TRIM10: variants seen among roughly 807,000 people sequenced by gnomAD.
TRIM10 encodes the protein tripartite motif containing 10.
TRIM10 carries 42 observed loss-of-function variants against 40.0 expected under a neutral mutation model. The observed-to-expected ratio is 1.05, with a 90% CI of 0.82 to 1.36. The LOEUF (loss-of-function observed/expected upper bound fraction) is 1.36, where lower values mean the gene tolerates loss of function less well. Among genes scored for constraint, TRIM10 ranks in the 40% most tolerant of loss-of-function variants. The probability of loss-of-function intolerance (pLI) is 0.00; values close to 1 mark genes in which losing one functional copy is unlikely to be tolerated. For synonymous variants in TRIM10, 260 were observed against 239.5 expected (o/e 1.09, Z -0.79); for missense variants, 601 against 608.3 (o/e 0.99, Z 0.13).
chr6:30,158,746 G>A (rs1772808565), intron 2 of TRIM10, 117 bp from the exon 3 acceptor site: 3 of 839,936 alleles, frequency 3.6e-6, no homozygotes, highest in Admixed American at 2.1e-5. Flanking sequence ...CTTTTCACTT[G>A]TCATCCCATT....
rs1772312611 is a variant in TRIM10 at position 30,154,330 on chromosome 6, CCT to C, written c.1083_1084del (p.Gly363GlufsTer73). 1.9e-6 allele frequency: 3 copies of C among 1,613,006 alleles called. No individual in the cohort carries two copies. Among genetic ancestry groups the C allele is most frequent in the Non-Finnish European group, 1.7e-6 (2 of 1,180,056 alleles). ...ACTCACCACCCACGTGTGTCTCCCC[CCT>C]GTGATGCCAGTGTGGGCCAGAACAC... On this transcript the variant is annotated frameshift_variant, in exon 7 of 7. Transcript: ENST00000449742. LOFTEE classifies it low-confidence loss of function (END_TRUNC).
intron 5 of TRIM10, 97 bp downstream of exon 5, chr6:30,156,842 G>T: frequency 9.2e-7 from 1 of 1,081,720 alleles, no homozygotes. Context: ...AATAAGGCTT[G>T]CCAAAGTCAC....
rs1010048808 is a variant in TRIM10, at chr6:30,154,703, A to G, written c.929-217T>C. On this transcript the variant is annotated intron_variant, in intron 6 of 6. Coordinates refer to ENST00000449742, the MANE Select transcript of TRIM10 (RefSeq NM_006778.4). Reference sequence around the variant, plus strand: ...CAAGATGCCCAGGTGATTTGCACACAGGTAAAGCCTGAAAAGCCTGCCTCA... The same window carrying G: ...CAAGATGCCCAGGTGATTTGCACACGGGTAAAGCCTGAAAAGCCTGCCTCA... 11 of 721,250 alleles carry G rather than the reference A, an allele frequency of 1.5e-5. No homozygotes were observed. The Admixed American group carries it at 1.8e-4, about 12-fold the overall frequency. The allele number at this position is 721,250 out of a possible 1,614,324, so 44.7% of individuals were successfully genotyped here. A position where few individuals can be genotyped will look rare whatever the true frequency, so the allele number is the denominator to read the frequency against.
chr6:30,161,426 G>C (rs570136520), upstream of TRIM10, among the ~76,000 whole-genome samples: 1 of 152,210 alleles, frequency 6.6e-6, no homozygotes, highest in Non-Finnish European at 1.5e-5. Context: ...TGCCTCAACT[G>C]GCCTGCTGCA....
upstream of TRIM10, chr6:30,163,736 C>T (rs1420211444): frequency 2.5e-6 from 4 of 1,612,972 alleles, no homozygotes; most frequent in Non-Finnish European, 3.4e-6. Flanking sequence ...TGCCTGTACC[C>T]TCTGTGCGGG....
At position 30,154,232 on chromosome 6, in the gene TRIM10, G is replaced by A. The variant is rs776104197; in HGVS notation, c.1183C>T (p.Arg395Trp). The A allele has an allele frequency of 1.5e-4, 238 of 1,612,768 alleles. No individual in the cohort carries two copies. In the Admixed American group the frequency reaches 2.5e-3, roughly 17 times the overall value. The change falls in exon 7 of 7, where the codon CGG (arginine) becomes TGG (tryptophan). Residue 395 changes from arginine to tryptophan, a missense_variant. Coordinates refer to ENST00000449742, the MANE Select transcript of TRIM10 (RefSeq NM_006778.4). ...CACACCCCCTCCTCTGGCCGCAGCC[G>A]AAGCTCCCCCTTCCGCTGCACATCC... is the stretch of plus-strand genomic sequence containing the variant. The part of the protein sequence containing the change: ...SEDVQRKGEL[R>W]LRPEEGVWAV...
At position 30,160,811 on chromosome 6, in the gene TRIM10, G is replaced by A. The variant is rs1295383498; in HGVS notation, c.48C>T (p.Cys16=). The stretch of plus-strand genomic sequence containing the variant: ...CCCTCAGGGTACCCTGACAGATGGG[G>A]CAGTTGACTTCATCTGCCAGGCTGG... The part of the protein sequence containing the change: ...SVTSLADEVN[C]PICQGTLREP... The change falls in exon 1 of 7, where the codon TGC becomes TGT. Residue 16 remains cysteine (C), a synonymous_variant. Coordinates refer to ENST00000449742, the MANE Select transcript of TRIM10 (RefSeq NM_006778.4). 3 of 1,613,592 alleles carry A rather than the reference G, an allele frequency of 1.9e-6. No homozygotes were observed. The highest frequency in any genetic ancestry group is 1.3e-5 in the African/African-American group (1 of 74,910).
upstream of TRIM10, chr6:30,163,626 G>A: frequency 1.3e-6 from 2 of 1,529,270 alleles, no homozygotes; most frequent in Non-Finnish European, 1.8e-6. Context: ...CGATTTCAGG[G>A]AAAGGGAACT....
chr6:30,154,627 G>A (rs1772357272), intron 6 of TRIM10, 141 bp from the exon 7 acceptor site: 2 of 1,026,056 alleles, frequency 1.9e-6, no homozygotes, highest in South Asian at 1.4e-5. Context: ...CCAACAGTGT[G>A]GAACCACCTG....
At chr6:30,156,781 T>C (rs768831049) in intron 5 of TRIM10, 158 bp downstream of exon 5, 32 of 716,354 alleles carry the variant, frequency 4.5e-5, no homozygotes, top group Admixed American at 4.4e-4. Context: ...AATATCCTAA[T>C]AGGCAGATTT....
Position 30,154,317 on chromosome 6 carries a change from C to T in TRIM10, c.1098G>A (p.Thr366=), listed in dbSNP as rs750576744. 32 of 1,612,984 alleles carry T rather than the reference C, an allele frequency of 2.0e-5. No individual in the cohort carries two copies. The highest frequency in any genetic ancestry group is 2.5e-5 in the Non-Finnish European group (30 of 1,180,046). The change falls in exon 7 of 7, where the codon ACG becomes ACA. Residue 366 remains threonine, a synonymous_variant. Coordinates refer to ENST00000449742, the MANE Select transcript of TRIM10 (RefSeq NM_006778.4). ...GGGCCAGGTCTATACTCACCACCCA[C>T]GTGTGTCTCCCCCCTGTGATGCCAG... ...AHTGITGGRH[T]WVVSIDLAHG...
chr6:30,163,665 G>T, upstream of TRIM10: 1 of 1,584,886 alleles, frequency 6.3e-7, no homozygotes, highest in Non-Finnish European at 8.6e-7. Flanking sequence ...CGGAGTGGAC[G>T]GGCTGGGGAA....
In TRIM10 at chr6:30,152,649, G is replaced by A. The variant is rs1410404033; in HGVS notation, c.*1320C>T. ...GGCTCCCCTCCTCCCAGGAGACCCA[G>A]TAGGGAGATGACAGAGCATTGTAGT... On this transcript the variant is annotated 3_prime_UTR_variant, in exon 7 of 7. Transcript: ENST00000449742. The A allele has an allele frequency of 1.3e-5, 2 of 151,254 alleles. No individual in the cohort carries two copies. The highest frequency in any genetic ancestry group is 3.9e-4 in the East Asian group (2 of 5,158). The allele number at this position is 151,254 out of a possible 1,614,324, so 9.4% of individuals were successfully genotyped here.
rs747144030 is a variant in TRIM10, at chr6:30,159,201, C to A, written c.474G>T (p.Glu158Asp). ...CTCTTGACTGGATTTCTTGAATCTC[C>A]TCTCTCTCTTTTCTTAGACATTTAA... ...KCLKCLRKER[E>D]EIQEIQSREN... The change falls in exon 2 of 7, where the codon GAG (glutamate) becomes GAT (aspartate). Residue 158 changes from glutamate (E) to aspartate (D), a missense_variant. Transcript: ENST00000449742. 2.5e-6 allele frequency: 4 copies of A among 1,611,176 alleles called. No homozygotes were observed. In the East Asian group the frequency reaches 8.9e-5, roughly 36 times the overall value.
At chr6:30,161,764 G>C (rs140273782), upstream of TRIM10, among the ~76,000 whole-genome samples, 5 of 152,152 alleles carry the variant, frequency 3.3e-5, no homozygotes, top group Admixed American at 1.3e-4. Flanking sequence ...TCTGTCTTCC[G>C]AGCAATGCTA....
intron 6 of TRIM10, among the ~76,000 whole-genome samples, chr6:30,155,244 C>A (rs1025333859): frequency 6.6e-6 from 1 of 152,018 alleles, no homozygotes; most frequent in African/African-American, 2.4e-5. Context: ...TCATTTTTTT[C>A]CCACCCACAG....
In TRIM10 at chr6:30,153,691, T is replaced by C; in HGVS notation, c.*278A>G. ...GACTTCAAATCCAGTGCCCTTTCTA[T>C]GCAGCTACTTCTGTGCCAAGCACGG... On this transcript the variant is annotated 3_prime_UTR_variant, in exon 7 of 7. Transcript: ENST00000449742. 6.2e-7 allele frequency: 1 copy of C among 1,611,884 alleles called. No homozygotes were observed. Among genetic ancestry groups the C allele is most frequent in the Non-Finnish European group, 8.5e-7 (1 of 1,179,514 alleles).
At chr6:30,162,247 T>G (rs529481356), upstream of TRIM10, among the ~76,000 whole-genome samples, 638 of 130,132 alleles carry the variant, frequency 4.9e-3, 10 homozygotes, top group African/African-American at 0.018. Context: ...CTGCACTCCA[T>G]CCCGGGAGAC....
chr6:30,158,392 G>A lies in TRIM10; in HGVS notation c.756+7C>T. 1 of 1,611,520 alleles carries A rather than the reference G, an allele frequency of 6.2e-7. No homozygotes were observed. Among genetic ancestry groups the A allele is most frequent in the Non-Finnish European group, 8.5e-7 (1 of 1,178,658 alleles). On this transcript the variant is annotated splice_region_variant and intron_variant, in intron 3 of 6. Coordinates refer to ENST00000449742, the MANE Select transcript of TRIM10 (RefSeq NM_006778.4). ...CAGGTGGGGCAGGGTTCCGGTTCAGGCCTCACCGTCAGGAGCTCCCTTGCT... is the reference window on the plus strand; with the variant it reads ...CAGGTGGGGCAGGGTTCCGGTTCAGACCTCACCGTCAGGAGCTCCCTTGCT...
Sources: allele counts gnomAD v4.1 joint callset (sites outside exome capture counted in the v4.1 genomes callset), GRCh38; gene constraint gnomAD v4.1.1; transcripts MANE v1.5; gene names NCBI Gene and HGNC (gene_info 2026-07-23, HGNC 2026-07-21).